Variants in PARD6B observed in about 807,000 individuals in gnomAD.
The protein encoded by PARD6B is par-6 family cell polarity regulator beta.
In PARD6B, 4 loss-of-function variants were observed where a neutral mutation model predicts 10.5. The ratio of observed to expected loss-of-function variants is 0.38; its 90% CI spans 0.19 to 0.87. The LOEUF is 0.87. Ranked by LOEUF, PARD6B falls within the 40% of genes least tolerant of loss-of-function variation. PARD6B has a pLI of 0.41. For missense variants in PARD6B, 396 were observed against 470.6 expected (o/e 0.84, Z 1.47); for synonymous variants, 169 against 170.4 (o/e 0.99, Z 0.07).
At chr20:50,740,458 CAT>C (rs1390784486) in intron 2 of PARD6B, among the ~76,000 whole-genome samples, 2 of 152,278 alleles carry the variant, frequency 1.3e-5, no homozygotes, top group African/African-American at 4.8e-5. Flanking sequence ...TATACCACCA[CAT>C]GTTTTGTTAA....
intron 1 of PARD6B, among the ~76,000 whole-genome samples, chr20:50,734,670 T>TC (rs2087490355): frequency 6.6e-6 from 1 of 152,070 alleles, no homozygotes; most frequent in Non-Finnish European, 1.5e-5. Context: ...GGTCCATTTT[T>TC]CTCTTACTAT....
Position 50,752,268 on chromosome 20 carries a change from AT to A in PARD6B, c.*1781del. 2.0e-6 allele frequency: 2 copies of A among 985,580 alleles called. No individual in the cohort carries two copies. The highest frequency in any genetic ancestry group is 2.4e-6 in the Non-Finnish European group (2 of 829,908). The allele number at this position is 985,580 out of a possible 1,614,324, so 61.1% of individuals were successfully genotyped here. A position where few individuals can be genotyped will look rare whatever the true frequency, so the allele number is the denominator to read the frequency against. On this transcript the variant is annotated 3_prime_UTR_variant, in exon 3 of 3. Coordinates refer to ENST00000371610, the MANE Select transcript of PARD6B (RefSeq NM_032521.3). Reference sequence around the variant, plus strand: ...TGCATCCAAGTATGCATCATTTTGGATAAAAAATACATCCAAATTAAGATGT... The same window carrying A: ...TGCATCCAAGTATGCATCATTTTGGAAAAAAATACATCCAAATTAAGATGT...
chr20:50,746,070 T>G (rs1228523011), intron 2 of PARD6B, among the ~76,000 whole-genome samples: 1 of 152,156 alleles, frequency 6.6e-6, no homozygotes, highest in East Asian at 1.9e-4. Context: ...GTAGAAGTTT[T>G]TTTTTTTTTC....
chr20:50,738,655 T>G (rs1293098147), intron 2 of PARD6B, among the ~76,000 whole-genome samples: 2 of 152,226 alleles, frequency 1.3e-5, no homozygotes, highest in Non-Finnish European at 2.9e-5. Flanking sequence ...ACTTTCTTTC[T>G]TTTACTTTTA....
intron 2 of PARD6B, among the ~76,000 whole-genome samples, chr20:50,740,473 G>A (rs746722748): frequency 2.0e-5 from 3 of 152,130 alleles, no homozygotes; most frequent in African/African-American, 7.2e-5. Flanking sequence ...TTTGTTAATG[G>A]AATTATACTC....
rs1261292391 is a variant in PARD6B, at chr20:50,750,381, A to G, written c.1012A>G (p.Asn338Asp). 4 of 1,614,204 alleles carry G rather than the reference A, an allele frequency of 2.5e-6. No homozygotes were observed. The South Asian group carries it at 4.4e-5, about 18-fold the overall frequency. Reference protein sequence around the residue: ...ESGQNGFIPSNEVSLAAIASS... With the variant: ...ESGQNGFIPSDEVSLAAIASS... ...TGGACAGAATGGCTTTATTCCCTCT[A>G]ATGAAGTGAGCTTAGCAGCCATAGC... The change falls in exon 3 of 3, where the codon AAT becomes GAT. Residue 338 changes from asparagine (N) to aspartate (D), a missense_variant. By Grantham distance (23) the Asn-to-Asp change is conservative (BLOSUM62 1). Transcript: ENST00000371610.
chr20:50,745,770 G>T (rs959853860), intron 2 of PARD6B, among the ~76,000 whole-genome samples: 1 of 152,152 alleles, frequency 6.6e-6, no homozygotes, highest in African/African-American at 2.4e-5. Flanking sequence ...CCCTTCCAAA[G>T]TGCTGGGATT....
rs569432280 is a variant in PARD6B, at chr20:50,751,123, C to T, written c.*635C>T. On this transcript the variant is annotated 3_prime_UTR_variant, in exon 3 of 3. Transcript: ENST00000371610. ...TAGCTGGGACCATAGGCACATACCA[C>T]CACATCTGTCTACTTTTTGTATTTT... The T allele has an allele frequency of 1.7e-5, 9 of 530,738 alleles. No homozygotes were observed. The East Asian group carries it at 1.2e-3, about 70-fold the overall frequency. The allele number at this position is 530,738 out of a possible 1,614,324, so 32.9% of individuals were successfully genotyped here. A position where few individuals can be genotyped will look rare whatever the true frequency, so the allele number is the denominator to read the frequency against.
At position 50,750,954 on chromosome 20, in the gene PARD6B, AT is replaced by A. The variant is rs565068464; in HGVS notation, c.*498del. 0.011 allele frequency: 4,059 copies of A among 385,800 alleles called. 7 individuals carry two copies. The highest frequency in any genetic ancestry group is 0.015 in the South Asian group (89 of 5,966). The allele number at this position is 385,800 out of a possible 1,614,324, so 23.9% of individuals were successfully genotyped here. ...CTCATGTTCCCAATATTTTATTTTG[AT>A]TTTTTTTTTTTTTTTTTTTTTTTTT... On this transcript the variant is annotated 3_prime_UTR_variant, in exon 3 of 3. Transcript: ENST00000371610.
In PARD6B at chr20:50,737,918, T is replaced by G; in HGVS notation, c.128T>G (p.Phe43Cys). The G allele has an allele frequency of 6.2e-7, 1 of 1,612,626 alleles. No homozygotes were observed. Among genetic ancestry groups the G allele is most frequent in the Non-Finnish European group, 8.5e-7 (1 of 1,179,544 alleles). Residue 43 changes from phenylalanine (F) to cysteine (C), a missense_variant, in exon 2 of 3, where the codon TTT becomes TGT. Phe to Cys is a radical substitution (Grantham distance 205, BLOSUM62 -2). This residue lies in a region of PARD6B where 208 missense variants were observed against 300.9 expected (regional missense o/e 0.69). Coordinates refer to ENST00000371610, the MANE Select transcript of PARD6B (RefSeq NM_032521.3). ...TCAAAACCTGGAAAATTTGAGGAGT[T>G]TTATGGATTACTACAACATGTTCAT... ...ERSKPGKFEE[F>C]YGLLQHVHKI...
At chr20:50,748,962 C>G (rs966987058) in intron 2 of PARD6B, among the ~76,000 whole-genome samples, 75 of 152,118 alleles carry the variant, frequency 4.9e-4, no homozygotes, top group African/African-American at 1.7e-3. Flanking sequence ...TCTCCTGAGG[C>G]CAGGAGTTCA....
At chr20:50,744,063 C>T (rs12625496) in intron 2 of PARD6B, among the ~76,000 whole-genome samples, 1 of 149,710 alleles carries the variant, frequency 6.7e-6, no homozygotes, top group Admixed American at 6.7e-5. Context: ...TCCATGTCCT[C>T]TGCTCCAGGC....
Position 50,752,929 on chromosome 20 carries a change from C to G in PARD6B, c.*2441C>G. On this transcript the variant is annotated 3_prime_UTR_variant, in exon 3 of 3. Transcript: ENST00000371610. ...TTATATGCTATTTTTAATGGCATTC[C>G]GGCTTTAACATTCTGTGAGTCTTAC... 1.0e-6 allele frequency: 1 copy of G among 982,820 alleles called. No homozygotes were observed. The highest frequency in any genetic ancestry group is 1.2e-6 in the Non-Finnish European group (1 of 827,210). The allele number at this position is 982,820 out of a possible 1,614,324, so 60.9% of individuals were successfully genotyped here.
At position 50,752,153 on chromosome 20, in the gene PARD6B, CCTT is replaced by C. The variant is rs1436495914; in HGVS notation, c.*1666_*1668del. On this transcript the variant is annotated 3_prime_UTR_variant, in exon 3 of 3. Coordinates refer to ENST00000371610, the MANE Select transcript of PARD6B (RefSeq NM_032521.3). ...TGACTTTGGAAATATGGAAGTCTCT[CCTT>C]TAACCTATTCTTGTTCCCATTCCCA... The C allele has an allele frequency of 1.0e-6, 1 of 985,442 alleles. No homozygotes were observed. Among genetic ancestry groups the C allele is most frequent in the African/African-American group, 1.7e-5 (1 of 57,218 alleles). 61.0% of individuals were successfully genotyped at this position (985,442 alleles called of 1,614,324 possible).
rs746959410 is a variant in PARD6B, at chr20:50,749,754, C to T, written c.385C>T (p.Pro129Ser). Reference sequence around the variant, plus strand: ...GCGTCCTGACAACCATAGAAAAAAGCCACATATAGTCATTAGTATGCCCCA... The same window carrying T: ...GCGTCCTGACAACCATAGAAAAAAGTCACATATAGTCATTAGTATGCCCCA... ...VLRPDNHRKK[P>S]HIVISMPQDF... is the part of the protein sequence containing the mutation. Residue 129 changes from proline (P) to serine (S), a missense_variant, in exon 3 of 3, where the codon CCA (proline) becomes TCA (serine). By Grantham distance (74) the Pro-to-Ser change is moderately conservative (BLOSUM62 -1). Around this residue, in one of 2 missense-constraint regions of PARD6B, gnomAD observed 208 missense variants for 300.9 expected, o/e 0.69. Transcript: ENST00000371610. 1.1e-5 allele frequency: 18 copies of T among 1,614,002 alleles called. No homozygotes were observed. The highest frequency in any genetic ancestry group is 1.5e-5 in the Non-Finnish European group (18 of 1,179,978).
Position 50,753,537 on chromosome 20 carries a change from T to C in PARD6B, c.*3049T>C. On this transcript the variant is annotated 3_prime_UTR_variant, in exon 3 of 3. Coordinates refer to ENST00000371610, the MANE Select transcript of PARD6B (RefSeq NM_032521.3). ...ACAAAATATATGTACTTTTGTGAGC[T>C]ATGAATTTTCTAATTAAATTTTACA... 1.1e-6 allele frequency: 1 copy of C among 918,174 alleles called. No homozygotes were observed. Among genetic ancestry groups the C allele is most frequent in the Non-Finnish European group, 1.3e-6 (1 of 768,362 alleles). The allele number at this position is 918,174 out of a possible 1,614,324, so 56.9% of individuals were successfully genotyped here.
chr20:50,733,968 CACTT>C (rs1217197933), intron 1 of PARD6B, among the ~76,000 whole-genome samples: 2 of 152,152 alleles, frequency 1.3e-5, no homozygotes, highest in African/African-American at 4.8e-5. Flanking sequence ...GTGAATCTTT[CACTT>C]ACTTCTGTCT....
Position 50,746,975 on chromosome 20 carries a change from A to G in PARD6B, c.290-2684A>G, listed in dbSNP as rs376254387. ...CCAATGGATTTATATCCAAAGCCAT[A>G]TTATAAATACATTTCTGTCTCTGTA... On this transcript the variant is annotated intron_variant, in intron 2 of 2. Coordinates refer to ENST00000371610, the MANE Select transcript of PARD6B (RefSeq NM_032521.3). Among the ~76,000 whole-genome samples the G allele has an allele frequency of 2.2e-4, 34 of 152,344 alleles. No homozygotes were observed. In the East Asian group the frequency reaches 5.8e-3, roughly 26 times the overall value.
chr20:50,748,192 A>G (rs2087579759), intron 2 of PARD6B, among the ~76,000 whole-genome samples: 1 of 152,160 alleles, frequency 6.6e-6, no homozygotes, highest in African/African-American at 2.4e-5. Context: ...AAAATACAAA[A>G]ATTATCTGGG....
Sources: allele counts gnomAD v4.1 joint callset (sites outside exome capture counted in the v4.1 genomes callset), GRCh38; gene constraint gnomAD v4.1.1; regional missense constraint gnomAD v4.1.1; transcripts MANE v1.5; gene names NCBI Gene and HGNC (gene_info 2026-07-23, HGNC 2026-07-21).